The following POU2F1 variants were observed in gnomAD, a reference collection of about 807,000 sequenced individuals.
The protein encoded by POU2F1 is POU domain, class 2, transcription factor 1.
POU2F1 carries 16 observed loss-of-function variants against 84.9 expected under a neutral mutation model. The observed-to-expected ratio is 0.19, with a 90% confidence interval of 0.13 to 0.29. POU2F1 has a LOEUF of 0.29. Ranked by LOEUF, POU2F1 falls within the 10% of genes least tolerant of loss-of-function variation. The pLI is 1.00. For synonymous variants in POU2F1, 368 were observed against 368.3 expected (o/e 1.00, Z 0.01); for missense variants, 738 against 942.6 (o/e 0.78, Z 2.84).
intron 1 of POU2F1, among the ~76,000 whole-genome samples, chr1:167,253,376 GCC>G (rs57789204): frequency 1.6e-5 from 2 of 121,498 alleles, no homozygotes; most frequent in African/African-American, 8.0e-5. Flanking sequence ...TTATTTTTCT[GCC>G]CCCCCCCCCC....
intron 3 of POU2F1, among the ~76,000 whole-genome samples, chr1:167,367,706 A>G (rs1032968343): frequency 1.3e-5 from 2 of 152,200 alleles, no homozygotes; most frequent in Non-Finnish European, 1.5e-5. Flanking sequence ...TATTTGCTTT[A>G]TACCATATGT....
chr1:167,370,318 C>T, intron 4 of POU2F1, 104 bp downstream of exon 4: 1 of 894,664 alleles, frequency 1.1e-6, no homozygotes, highest in Non-Finnish European at 1.6e-6. Context: ...AGAAGTATTA[C>T]CTTTTCAAAA....
chr1:167,384,351 C>A (rs1226710688), intron 8 of POU2F1, among the ~76,000 whole-genome samples: 1 of 151,980 alleles, frequency 6.6e-6, no homozygotes, highest in African/African-American at 2.4e-5. Flanking sequence ...TCTTTTTTCT[C>A]AATGCTTTTA....
intron 13 of POU2F1, among the ~76,000 whole-genome samples, chr1:167,408,738 A>G (rs1216798812): frequency 1.3e-5 from 2 of 152,208 alleles, no homozygotes; most frequent in African/African-American, 4.8e-5. Context: ...GGGAGTGGAA[A>G]TGTCATAATC....
chr1:167,233,111 T>C (rs1649185833), intron 1 of POU2F1, among the ~76,000 whole-genome samples: 1 of 151,802 alleles, frequency 6.6e-6, no homozygotes, highest in South Asian at 2.1e-4. Flanking sequence ...CTATACTTTT[T>C]CTGTGTTTAA....
intron 1 of POU2F1, among the ~76,000 whole-genome samples, chr1:167,238,171 T>G (rs549876166): frequency 3.3e-4 from 50 of 152,256 alleles, no homozygotes; most frequent in African/African-American, 1.2e-3. Flanking sequence ...TTGAGATGCA[T>G]TAATGTAAAT....
intron 1 of POU2F1, among the ~76,000 whole-genome samples, chr1:167,322,964 A>C (rs1476145884): frequency 1.3e-5 from 2 of 152,270 alleles, no homozygotes; most frequent in African/African-American, 2.4e-5. Context: ...GTAAACCAAC[A>C]ACCTTCAGCA....
chr1:167,273,042 A>G (rs1652481923), intron 1 of POU2F1, among the ~76,000 whole-genome samples: 1 of 152,210 alleles, frequency 6.6e-6, no homozygotes, highest in Admixed American at 6.5e-5. Flanking sequence ...CAAAAGGGAG[A>G]AATCAACCAA....
intron 2 of POU2F1, among the ~76,000 whole-genome samples, chr1:167,344,038 G>A (rs971205427): frequency 2.6e-5 from 4 of 151,928 alleles, no homozygotes; most frequent in Admixed American, 6.6e-5. Context: ...CTTTGTTGTC[G>A]AATAGGATGG....
intron 1 of POU2F1, among the ~76,000 whole-genome samples, chr1:167,282,333 A>G (rs996844283): frequency 3.3e-5 from 5 of 151,888 alleles, no homozygotes; most frequent in South Asian, 2.1e-4. Context: ...TTTAGTAGAG[A>G]TGGGGTTTCA....
At chr1:167,303,839 T>G (rs1180396097) in intron 1 of POU2F1, among the ~76,000 whole-genome samples, 2 of 152,132 alleles carry the variant, frequency 1.3e-5, no homozygotes, top group African/African-American at 2.4e-5. Flanking sequence ...TTGAAAAGGT[T>G]GTGAAATCAG....
At chr1:167,414,711 A>G (rs1412845589) in intron 15 of POU2F1, 2 of 984,968 alleles carry the variant, frequency 2.0e-6, no homozygotes, top group Non-Finnish European at 1.2e-6. Flanking sequence ...CATTATGTCT[A>G]ATTTCCTGCT....
chr1:167,413,924 T>C (rs1362575923), intron 15 of POU2F1, among the ~76,000 whole-genome samples: 1 of 151,518 alleles, frequency 6.6e-6, no homozygotes, highest in East Asian at 1.9e-4. Context: ...TGCAGTGTGC[T>C]ATGATCATGC....
intron 1 of POU2F1, among the ~76,000 whole-genome samples, 198 bp downstream of exon 1, chr1:167,221,156 G>A (rs1012768462): frequency 6.6e-6 from 1 of 151,510 alleles, no homozygotes; most frequent in African/African-American, 2.4e-5. Context: ...CAGGCGGAGG[G>A]GGAAGACAAG....
rs747211825 is a variant in POU2F1, at chr1:167,421,849, A to T, written c.*6039A>T. 6.3e-5 allele frequency: 9 copies of T among 142,470 alleles called. No homozygotes were observed. The highest frequency in any genetic ancestry group is 1.1e-4 in the Non-Finnish European group (7 of 64,716). 8.8% of individuals were successfully genotyped at this position (142,470 alleles called of 1,614,324 possible). ...TAATGTTTATTATGATCGATAAACAAGATTGATGCTGTATGTATTTGGGAT... is the reference window on the plus strand; with the variant it reads ...TAATGTTTATTATGATCGATAAACATGATTGATGCTGTATGTATTTGGGAT... On this transcript the variant is annotated 3_prime_UTR_variant, in exon 16 of 16. Coordinates refer to ENST00000367866, the MANE Select transcript of POU2F1 (RefSeq NM_002697.4).
At chr1:167,241,073 C>T (rs372164217) in intron 1 of POU2F1, among the ~76,000 whole-genome samples, 2 of 151,992 alleles carry the variant, frequency 1.3e-5, no homozygotes, top group African/African-American at 2.4e-5. Context: ...ACCCGGGAGG[C>T]GGAGGTTGCC....
chr1:167,301,028 C>T (rs1322247235), intron 1 of POU2F1, among the ~76,000 whole-genome samples: 1 of 152,164 alleles, frequency 6.6e-6, no homozygotes, highest in East Asian at 1.9e-4. Flanking sequence ...CCTTGGCCTC[C>T]CAAAGTGCTG....
At position 167,398,270 on chromosome 1, in the gene POU2F1, A is replaced by G. The variant is rs190786344; in HGVS notation, c.1269+137A>G. 1,349 of 1,066,096 alleles carry G rather than the reference A, an allele frequency of 1.3e-3. 4 individuals are homozygous for G. The highest frequency in any genetic ancestry group is 1.7e-3 in the Non-Finnish European group (1,251 of 751,318). The allele number at this position is 1,066,096 out of a possible 1,614,324, so 66.0% of individuals were successfully genotyped here. On this transcript the variant is annotated intron_variant, in intron 11 of 15. Transcript: ENST00000367866. ...TGGATGATTATAAATAGGTGAAGTAAGTAAGTTACTAACATAGGAGACAGA... is the reference window on the plus strand; with the variant it reads ...TGGATGATTATAAATAGGTGAAGTAGGTAAGTTACTAACATAGGAGACAGA...
chr1:167,342,834 C>T (rs1657950246), intron 2 of POU2F1, among the ~76,000 whole-genome samples: 1 of 152,112 alleles, frequency 6.6e-6, no homozygotes. Context: ...CTACATTCTG[C>T]CCTGGCCAAG....
Sources: gnomAD v4.1 joint callset for allele counts (sites outside exome capture counted in the v4.1 genomes callset) on GRCh38, gnomAD v4.1.1 for gene constraint, MANE v1.5 for transcripts, NCBI Gene and HGNC (gene_info 2026-07-23, HGNC 2026-07-21) for gene names.